PITPNM3: variants seen among roughly 807,000 people sequenced by gnomAD.
PITPNM3 encodes the protein membrane-associated phosphatidylinositol transfer protein 3.
Under a neutral mutation model 102.0 loss-of-function variants are expected in PITPNM3, and 26 were observed. The observed-to-expected ratio is 0.25, with a 90% CI of 0.19 to 0.35. PITPNM3 has a LOEUF of 0.35. Ranked by LOEUF, PITPNM3 falls within the 10% of genes least tolerant of loss-of-function variation. The pLI is 1.00. For synonymous variants in PITPNM3, 578 were observed against 558.6 expected, an observed-to-expected ratio of 1.03 and a Z score of -0.49; for missense variants, 1,083 against 1,346.1, an observed-to-expected ratio of 0.80 and a Z score of 3.06.
At chr17:6,509,605 C>T (rs3924262) in intron 3 of PITPNM3, among the ~76,000 whole-genome samples, 83,153 of 151,436 alleles carry the variant, frequency 0.55, 24,784 homozygotes, top group Non-Finnish European at 0.67. Context: ...GGAGCGAAGA[C>T]CTGCATGCTC....
chr17:6,455,332 C>T lies in PITPNM3; in HGVS notation c.*6G>A. The stretch of plus-strand genomic sequence containing the variant: ...CCCGCTCCCTGCTCTGAGCACAGCC[C>T]ACCCCTCAGGGCACCGACTCGAACT... On this transcript the variant is annotated 3_prime_UTR_variant, in exon 20 of 20. Coordinates refer to ENST00000262483, the MANE Select transcript of PITPNM3 (RefSeq NM_031220.4). 6.4e-7 allele frequency: 1 copy of T among 1,569,822 alleles called. No individual in the cohort carries two copies. The highest frequency in any genetic ancestry group is 8.6e-7 in the Non-Finnish European group (1 of 1,159,876).
chr17:6,472,602 G>A lies in PITPNM3; in HGVS notation c.1429+55C>T. ...CACTGAGAGCTTGGAGGGGTTGAAT[G>A]GGCTGGGGCCCCACCTCCAGCTCAG... On this transcript the variant is annotated intron_variant, in intron 11 of 19. Coordinates refer to ENST00000262483, the MANE Select transcript of PITPNM3 (RefSeq NM_031220.4). The surrounding 1 kb of genome is among the most constrained non-coding windows in gnomAD (Gnocchi z 4.1). 1.3e-6 allele frequency: 2 copies of A among 1,575,656 alleles called. No homozygotes were observed. The highest frequency in any genetic ancestry group is 1.7e-6 in the Non-Finnish European group (2 of 1,160,640).
At chr17:6,501,343 C>T (rs1907162041) in intron 4 of PITPNM3, among the ~76,000 whole-genome samples, 1 of 152,180 alleles carries the variant, frequency 6.6e-6, no homozygotes, top group Admixed American at 6.5e-5. Flanking sequence ...ACTGCCCCTC[C>T]CAGAGCTGGC....
chr17:6,525,344 G>T lies in PITPNM3; in HGVS notation c.226+12C>A. On this transcript the variant is annotated intron_variant, in intron 3 of 19. Coordinates refer to ENST00000262483, the MANE Select transcript of PITPNM3 (RefSeq NM_031220.4). ...TGTGCACATCCTGGTCATGAGAGAA[G>T]CAGAGTCTCACCTTGATGCTCGTCC... 6.2e-7 allele frequency: 1 copy of T among 1,606,456 alleles called. No homozygotes were observed. The highest frequency in any genetic ancestry group is 8.5e-7 in the Non-Finnish European group (1 of 1,173,286).
Position 6,556,246 on chromosome 17 carries a change from GC to G in PITPNM3, c.22+138del. The G allele has an allele frequency of 1.6e-6, 1 of 612,084 alleles. No individual in the cohort carries two copies. The highest frequency in any genetic ancestry group is 3.4e-5 in the South Asian group (1 of 29,060). 37.9% of individuals were successfully genotyped at this position (612,084 alleles called of 1,614,324 possible). ...CCCCTCTCCACGCGCGGGAGGTCCAGCCCCGCTACCGCCCCCTACGCCCTCC... is the reference window on the plus strand; with the variant it reads ...CCCCTCTCCACGCGCGGGAGGTCCAGCCCGCTACCGCCCCCTACGCCCTCC... On this transcript the variant is annotated intron_variant, in intron 1 of 19. Coordinates refer to ENST00000262483, the MANE Select transcript of PITPNM3 (RefSeq NM_031220.4). This position sits in a 1 kb window ranked among gnomAD's most constrained non-coding sequence, Gnocchi z 5.2.
At chr17:6,464,092 C>G (rs1266914980) in intron 16 of PITPNM3, 78 bp downstream of exon 16, 2 of 1,605,716 alleles carry the variant, frequency 1.2e-6, no homozygotes, top group African/African-American at 2.7e-5. Context: ...CCCCAAGGAC[C>G]CCATCCTCTA....
In PITPNM3 at chr17:6,455,293, G is replaced by A. The variant is rs1914037012; in HGVS notation, c.*45C>T. 1.2e-5 allele frequency: 18 copies of A among 1,528,120 alleles called. No individual in the cohort carries two copies. The highest frequency in any genetic ancestry group is 1.6e-5 in the Non-Finnish European group (18 of 1,141,870). 94.7% of individuals were successfully genotyped at this position (1,528,120 alleles called of 1,614,324 possible). A position where few individuals can be genotyped will look rare whatever the true frequency, so the allele number is the denominator to read the frequency against. ...CAGCCCCCTCCCGTCCCCGCAGGCA[G>A]CCTGATTGGGCCCCCCGCTCCCTGC... is the stretch of plus-strand genomic sequence containing the variant. On this transcript the variant is annotated 3_prime_UTR_variant, in exon 20 of 20. Transcript: ENST00000262483.
chr17:6,461,313 G>C, intron 18 of PITPNM3, 60 bp downstream of exon 18: 1 of 1,558,548 alleles, frequency 6.4e-7, no homozygotes, highest in Non-Finnish European at 8.8e-7. Context: ...GATGGGGAGC[G>C]GTGGAGAGGA....
chr17:6,467,408 G>C (rs1452569736), intron 14 of PITPNM3, among the ~76,000 whole-genome samples: 6 of 152,214 alleles, frequency 3.9e-5, no homozygotes, highest in Non-Finnish European at 5.9e-5. Context: ...TTATGAAAAA[G>C]CTCTAAAACT....
At chr17:6,465,245 C>T (rs958856513) in intron 14 of PITPNM3, among the ~76,000 whole-genome samples, 1 of 152,148 alleles carries the variant, frequency 6.6e-6, no homozygotes, top group Non-Finnish European at 1.5e-5. Flanking sequence ...GGGGTTTCTC[C>T]GTGTTGATCA....
chr17:6,498,283 C>A (rs1953729797), intron 4 of PITPNM3, among the ~76,000 whole-genome samples: 1 of 152,234 alleles, frequency 6.6e-6, no homozygotes, highest in South Asian at 2.1e-4. Context: ...ATGGTATGCT[C>A]AGGCTTCCCA....
chr17:6,505,252 T>C (rs1907430703), intron 3 of PITPNM3, among the ~76,000 whole-genome samples: 1 of 148,906 alleles, frequency 6.7e-6, no homozygotes, highest in African/African-American at 2.5e-5. Flanking sequence ...ACAAAACAGG[T>C]GTTCAATAAG....
At chr17:6,495,717 T>C (rs1033559231) in intron 4 of PITPNM3, among the ~76,000 whole-genome samples, 1 of 151,822 alleles carries the variant, frequency 6.6e-6, no homozygotes, top group African/African-American at 2.4e-5. Context: ...CCTGGAGTTT[T>C]GAGGCGATGG....
At chr17:6,507,754 G>A (rs914876599) in intron 3 of PITPNM3, among the ~76,000 whole-genome samples, 1 of 152,148 alleles carries the variant, frequency 6.6e-6, no homozygotes, top group Admixed American at 6.5e-5. Context: ...CCTGGAGGAG[G>A]GGAGGACTCC....
At chr17:6,550,866 C>T (rs535911627) in intron 1 of PITPNM3, among the ~76,000 whole-genome samples, 2 of 152,294 alleles carry the variant, frequency 1.3e-5, no homozygotes, top group African/African-American at 4.8e-5. Context: ...TGAGGTGGAA[C>T]CTCTCTGTTT....
rs1373003198 is a variant in PITPNM3, at chr17:6,556,538, G to T, written c.-132C>A. ...CCCCGCCCCGCTCGCCTCGGCTGCC[G>T]CCACCGCAGCCGCCGCCGCCTCGCC... On this transcript the variant is annotated 5_prime_UTR_variant, in exon 1 of 20. Transcript: ENST00000262483. This position sits in a 1 kb window ranked among gnomAD's most constrained non-coding sequence, Gnocchi z 5.2. 3.9e-6 allele frequency: 2 copies of T among 515,804 alleles called. No individual in the cohort carries two copies. The highest frequency in any genetic ancestry group is 4.9e-6 in the Non-Finnish European group (2 of 405,330). The allele number at this position is 515,804 out of a possible 1,614,324, so 32.0% of individuals were successfully genotyped here. A position where few individuals can be genotyped will look rare whatever the true frequency, so the allele number is the denominator to read the frequency against.
intron 4 of PITPNM3, among the ~76,000 whole-genome samples, chr17:6,500,274 A>G (rs927747522): frequency 3.9e-5 from 6 of 152,230 alleles, no homozygotes; most frequent in African/African-American, 1.4e-4. Context: ...GAACTATTAA[A>G]TAAAGTATAC....
chr17:6,514,219 TA>T (rs1908023985), intron 3 of PITPNM3, among the ~76,000 whole-genome samples: 1 of 151,840 alleles, frequency 6.6e-6, no homozygotes, highest in Non-Finnish European at 1.5e-5. Context: ...GTTTCTTACA[TA>T]TGGCACCAAA....
chr17:6,492,452 C>T (rs1361994642), intron 4 of PITPNM3, among the ~76,000 whole-genome samples: 1 of 152,186 alleles, frequency 6.6e-6, no homozygotes, highest in East Asian at 1.9e-4. Context: ...TTGTCCTCCC[C>T]TCAGGAGCTG....
Sources: allele counts gnomAD v4.1 joint callset (sites outside exome capture counted in the v4.1 genomes callset), GRCh38; gene constraint gnomAD v4.1.1; non-coding constraint Gnocchi (gnomAD v3.1); transcripts MANE v1.5; gene names NCBI Gene and HGNC (gene_info 2026-07-23, HGNC 2026-07-21).